The following TRPC7 variants were observed in gnomAD, a reference collection of about 807,000 sequenced individuals.
TRPC7 encodes the protein transient receptor potential cation channel subfamily C member 7, also known as short transient receptor potential channel 7.
A neutral mutation model predicts 90.1 loss-of-function variants in TRPC7; 42 were observed. The ratio of observed to expected loss-of-function variants is 0.47; its 90% CI spans 0.36 to 0.60. The LOEUF (loss-of-function observed/expected upper bound fraction) is 0.60. Ranked by LOEUF, TRPC7 falls within the 20% of genes least tolerant of loss-of-function variation. The pLI, the probability that TRPC7 is intolerant of heterozygous loss-of-function variation, is 0.00. For missense variants in TRPC7, 955 were observed against 1,112.3 expected (o/e 0.86, Z 2.01); for synonymous variants, 451 against 436.3 (o/e 1.03, Z -0.42).
intron 3 of TRPC7, among the ~76,000 whole-genome samples, chr5:136,285,641 C>A (rs1271575084): frequency 1.3e-5 from 2 of 152,170 alleles, no homozygotes; most frequent in Non-Finnish European, 2.9e-5. Context: ...AAAGACACTA[C>A]CCTCAGACTC....
intron 2 of TRPC7, among the ~76,000 whole-genome samples, chr5:136,342,309 A>T (rs780351076): frequency 6.6e-6 from 1 of 152,220 alleles, no homozygotes; most frequent in Non-Finnish European, 1.5e-5. Flanking sequence ...CTGGCCAAGA[A>T]TATCAAGAAT....
chr5:136,317,493 T>G (rs1013439278), intron 2 of TRPC7, among the ~76,000 whole-genome samples: 2 of 152,198 alleles, frequency 1.3e-5, no homozygotes, highest in African/African-American at 4.8e-5. Context: ...ATATTCTGCA[T>G]AGCACTGGTA....
chr5:136,304,531 C>T (rs1335537352), intron 3 of TRPC7, among the ~76,000 whole-genome samples: 2 of 152,188 alleles, frequency 1.3e-5, no homozygotes, highest in Non-Finnish European at 2.9e-5. Flanking sequence ...ATACCTCCCT[C>T]TACTACCCAT....
intron 2 of TRPC7, among the ~76,000 whole-genome samples, chr5:136,350,347 C>A (rs1240911412): frequency 6.6e-6 from 1 of 152,192 alleles, no homozygotes; most frequent in African/African-American, 2.4e-5. Flanking sequence ...GGGTGCCCTC[C>A]AGGGCCTGCC....
intron 3 of TRPC7, among the ~76,000 whole-genome samples, chr5:136,313,571 T>C (rs1758912606): frequency 6.6e-6 from 1 of 152,224 alleles, no homozygotes; most frequent in Admixed American, 6.5e-5. Context: ...AATAAGACTT[T>C]TAAATATTGG....
intron 7 of TRPC7, among the ~76,000 whole-genome samples, chr5:136,244,579 C>G (rs1756276568): frequency 6.6e-6 from 1 of 152,286 alleles, no homozygotes; most frequent in Admixed American, 6.5e-5. Context: ...GAGCAAACAA[C>G]CTTTGCAAGG....
intron 3 of TRPC7, among the ~76,000 whole-genome samples, chr5:136,288,951 T>G (rs1757832439): frequency 6.6e-6 from 1 of 152,330 alleles, no homozygotes; most frequent in South Asian, 2.1e-4. Flanking sequence ...TGTTGGAACT[T>G]TGTCTTTGTA....
At chr5:136,244,710 A>C (rs1021781485) in intron 7 of TRPC7, among the ~76,000 whole-genome samples, 1 of 152,204 alleles carries the variant, frequency 6.6e-6, no homozygotes, top group African/African-American at 2.4e-5. Context: ...TGTGGAGTGG[A>C]TACATTTAGT....
intron 10 of TRPC7, among the ~76,000 whole-genome samples, chr5:136,218,593 A>T (rs1347571504): frequency 2.0e-5 from 3 of 152,206 alleles, no homozygotes; most frequent in Non-Finnish European, 4.4e-5. Context: ...GTGCAGCCGG[A>T]ATTACAGCCC....
chr5:136,219,459 G>T (rs569624897), intron 10 of TRPC7, among the ~76,000 whole-genome samples: 26 of 152,326 alleles, frequency 1.7e-4, no homozygotes, highest in South Asian at 1.2e-3. Context: ...GTGACTGCCT[G>T]CCAGTTCTTA....
intron 2 of TRPC7, among the ~76,000 whole-genome samples, chr5:136,353,833 CTTAA>C (rs1760276087): frequency 6.6e-6 from 1 of 152,134 alleles, no homozygotes; most frequent in Admixed American, 6.5e-5. Flanking sequence ...TACTGGTGTT[CTTAA>C]TTGTCCACAA....
At chr5:136,328,147 A>T (rs886660498) in intron 2 of TRPC7, among the ~76,000 whole-genome samples, 1 of 152,206 alleles carries the variant, frequency 6.6e-6, no homozygotes, top group South Asian at 2.1e-4. Flanking sequence ...GATCCAAGGA[A>T]GGTGGTTCAA....
rs372394786 is a variant in TRPC7, at chr5:136,357,300, C to T, written c.88G>A (p.Ala30Thr). 6.2e-7 allele frequency: 1 copy of T among 1,611,270 alleles called. No individual in the cohort carries two copies. Among genetic ancestry groups the T allele is most frequent in the Non-Finnish European group, 8.5e-7 (1 of 1,179,876 alleles). Residue 30 changes from alanine (A) to threonine (T), a missense_variant, in exon 2 of 12, where the codon GCC becomes ACC. Physicochemically the swap from Ala to Thr is moderately conservative, Grantham distance 58. This residue lies in a region of TRPC7 where 161 missense variants were observed against 145.7 expected (regional missense o/e 1.10). Coordinates refer to ENST00000513104, the MANE Select transcript of TRPC7 (RefSeq NM_020389.3). ...KGRRQAIRGP[A>T]YMFNEKGTSL... ...GTGCCCTTCTCGTTGAACATGTAGG[C>T]GGGACCCCGGATGGCCTGGCGACGG... is the stretch of plus-strand genomic sequence containing the variant.
chr5:136,317,693 G>T (rs922984060), intron 2 of TRPC7, among the ~76,000 whole-genome samples: 2 of 152,166 alleles, frequency 1.3e-5, no homozygotes, highest in African/African-American at 4.8e-5. Context: ...GTTAATGCCT[G>T]TTACCAGTAA....
chr5:136,358,252 T>C (rs1425762525), intron 1 of TRPC7, among the ~76,000 whole-genome samples: 2 of 152,178 alleles, frequency 1.3e-5, no homozygotes, highest in Non-Finnish European at 2.9e-5. Context: ...ATGGAAGAAA[T>C]AGCTCAACTT....
chr5:136,348,748 C>G (rs1000060337), intron 2 of TRPC7, among the ~76,000 whole-genome samples: 1 of 152,056 alleles, frequency 6.6e-6, no homozygotes, highest in South Asian at 2.1e-4. Context: ...AGATCTTGTC[C>G]CCATCCTGAT....
intron 3 of TRPC7, among the ~76,000 whole-genome samples, chr5:136,285,160 C>T (rs1499768): frequency 0.33 from 49,959 of 151,834 alleles, 8,554 homozygotes; most frequent in South Asian, 0.5. Flanking sequence ...TCTTGTGAGT[C>T]GTGCTAAGAT....
rs565522086 is a variant in TRPC7 at position 136,356,759 on chromosome 5, T to A, written c.629A>T (p.Asp210Val). The change falls in exon 2 of 12, where the codon GAC becomes GTC. Residue 210 changes from aspartate to valine, a missense_variant. By Grantham distance (152) the Asp-to-Val change is radical. Transcript: ENST00000513104. ...CNECTEKQRKDSFSHSRSRMN... is the reference protein window; with the variant it reads ...CNECTEKQRKVSFSHSRSRMN... The stretch of plus-strand genomic sequence containing the variant: ...GCGCGAGCGCGAGTGGCTGAAGGAG[T>A]CTTTCCGCTGTTTCTCGGTGCACTC... 6.2e-7 allele frequency: 1 copy of A among 1,611,682 alleles called. No homozygotes were observed. The highest frequency in any genetic ancestry group is 1.3e-5 in the African/African-American group (1 of 74,832).
chr5:136,214,946 G>A (rs1487377892), intron 11 of TRPC7, among the ~76,000 whole-genome samples: 2 of 152,172 alleles, frequency 1.3e-5, no homozygotes, highest in Non-Finnish European at 2.9e-5. Flanking sequence ...AAAATAGACT[G>A]GAAAACAACC....
Sources: allele counts gnomAD v4.1 joint callset (sites outside exome capture counted in the v4.1 genomes callset), GRCh38; gene constraint gnomAD v4.1.1; regional missense constraint gnomAD v4.1.1; transcripts MANE v1.5; gene names NCBI Gene and HGNC (gene_info 2026-07-23, HGNC 2026-07-21).